CHID1: variants seen among roughly 807,000 people sequenced by gnomAD.
CHID1 encodes the protein chitinase domain-containing protein 1.
In CHID1, 44 loss-of-function variants were observed where a neutral mutation model predicts 55.4. The observed-to-expected ratio is 0.79, with a 90% CI of 0.62 to 1.02. CHID1 has a LOEUF of 1.02. Among genes scored for constraint, CHID1 ranks in the 50% least tolerant of loss-of-function variants. The pLI, the probability that CHID1 is intolerant of heterozygous loss-of-function variation, is 0.00. For synonymous variants in CHID1, 216 were observed against 212.9 expected (o/e 1.01, Z -0.13); for missense variants, 491 against 515.3 (o/e 0.95, Z 0.46).
chr11:890,696 C>A (rs1850744249), intron 8 of CHID1, among the ~76,000 whole-genome samples: 1 of 152,196 alleles, frequency 6.6e-6, no homozygotes. Context: ...CTGTTGGTCC[C>A]ACTGGCCTGT....
chr11:898,845 G>C (rs1450556225), intron 7 of CHID1, among the ~76,000 whole-genome samples: 2 of 152,240 alleles, frequency 1.3e-5, no homozygotes, highest in Non-Finnish European at 2.9e-5. Flanking sequence ...TCCCGGTGGA[G>C]TGGACTGCTA....
chr11:911,249 C>T (rs1852670336), upstream of CHID1: 1 of 151,968 alleles, frequency 6.6e-6, no homozygotes, highest in Non-Finnish European at 1.5e-5. Flanking sequence ...CCCCCGACCC[C>T]CGCCTGAGTG....
At chr11:881,975 G>A (rs541899400) in intron 10 of CHID1, among the ~76,000 whole-genome samples, 42 of 148,112 alleles carry the variant, frequency 2.8e-4, no homozygotes, top group African/African-American at 9.8e-4. Context: ...GTGCACTGCA[G>A]CCTGGACGAC....
At chr11:906,818 C>T (rs1354017071) in intron 1 of CHID1, among the ~76,000 whole-genome samples, 2 of 151,574 alleles carry the variant, frequency 1.3e-5, no homozygotes, top group African/African-American at 2.4e-5. Context: ...CACCTGAAGT[C>T]GGGAGTTCGA....
intron 3 of CHID1, 51 bp from the exon 4 acceptor site, chr11:902,381 C>G (rs954731203): frequency 6.3e-7 from 1 of 1,590,374 alleles, no homozygotes; most frequent in Admixed American, 1.7e-5. Context: ...GAGCACCTGT[C>G]TCACCATGGT....
At chr11:909,210 C>T (rs775549484) in intron 1 of CHID1, among the ~76,000 whole-genome samples, 5 of 152,202 alleles carry the variant, frequency 3.3e-5, no homozygotes, top group Admixed American at 3.3e-4. Context: ...CTCTGAGGCC[C>T]GTGAGGACAC....
chr11:904,370 T>A (rs1852050516), intron 2 of CHID1, among the ~76,000 whole-genome samples: 2 of 152,178 alleles, frequency 1.3e-5, no homozygotes, highest in African/African-American at 4.8e-5. Context: ...AAGGCCATGA[T>A]AAAGACAGCA....
chr11:893,489 G>A lies in CHID1; in HGVS notation c.639C>T (p.Ala213=), dbSNP rs972718527. Residue 213 remains alanine (A), a synonymous_variant, in exon 8 of 13, where the codon GCC becomes GCT. Transcript: ENST00000323578. Reference sequence around the variant, plus strand: ...GCAGCCGGGCCTGGTGCAGAGCCTCGGCCAAGTGGGTGAGCATGTGGATGA... The same window carrying A: ...GCAGCCGGGCCTGGTGCAGAGCCTCAGCCAAGTGGGTGAGCATGTGGATGA... ...VGLIHMLTHL[A]EALHQARLLA... The A allele has an allele frequency of 1.3e-6, 2 of 1,551,332 alleles. No individual in the cohort carries two copies. Among genetic ancestry groups the A allele is most frequent in the Non-Finnish European group, 1.7e-6 (2 of 1,146,930 alleles).
At chr11:872,378 G>C (rs1849238279) in intron 10 of CHID1, among the ~76,000 whole-genome samples, 2 of 152,164 alleles carry the variant, frequency 1.3e-5, no homozygotes, top group African/African-American at 4.8e-5. Flanking sequence ...TGCTGGTCTT[G>C]AACTCCTGAC....
chr11:912,704 C>G (rs56328164), upstream of CHID1, among the ~76,000 whole-genome samples: 1 of 151,884 alleles, frequency 6.6e-6, no homozygotes, highest in Admixed American at 6.6e-5. Flanking sequence ...ATTAGCCGGG[C>G]GTAGTGGCGG....
At chr11:893,152 GC>G (rs1007952388) in intron 8 of CHID1, among the ~76,000 whole-genome samples, 1 of 152,048 alleles carries the variant, frequency 6.6e-6, no homozygotes, top group African/African-American at 2.4e-5. Flanking sequence ...CCCCAGCCAA[GC>G]CAGCCCTGCC....
At chr11:880,428 C>G (rs985526422) in intron 10 of CHID1, among the ~76,000 whole-genome samples, 18 of 152,188 alleles carry the variant, frequency 1.2e-4, no homozygotes, top group African/African-American at 1.7e-4. Context: ...ACCCCAGGAC[C>G]AGCCGTGTGG....
chr11:908,560 T>C lies in CHID1; in HGVS notation c.-44+2215A>G, dbSNP rs1341660447. The C allele has an allele frequency of 3.0e-6, 3 of 985,000 alleles. No individual in the cohort carries two copies. In the African/African-American group the frequency reaches 5.2e-5, roughly 17 times the overall value. 61.0% of individuals were successfully genotyped at this position (985,000 alleles called of 1,614,324 possible). On this transcript the variant is annotated intron_variant, in intron 1 of 12. Transcript: ENST00000323578. ...CACTTGCCTGGCCAGGCTGAAACGG[T>C]GGCTGCCTCAGCTCCCAGGCACCCA...
chr11:871,184 G>A (rs111907985), intron 10 of CHID1, among the ~76,000 whole-genome samples: 6 of 152,078 alleles, frequency 3.9e-5, no homozygotes, highest in Non-Finnish European at 5.9e-5. Flanking sequence ...GTAGAGATGC[G>A]GTTTCACCGT....
At position 884,096 on chromosome 11, in the gene CHID1, T is replaced by C. The variant is rs1850214228; in HGVS notation, c.775A>G (p.Met259Val). 3 of 1,613,948 alleles carry C rather than the reference T, an allele frequency of 1.9e-6. No homozygotes were observed. Among genetic ancestry groups the C allele is most frequent in the African/African-American group, 2.7e-5 (2 of 74,928 alleles). Reference protein sequence around the residue: ...LAPVLDGFSLMTYDYSTAHQP... With the variant: ...LAPVLDGFSLVTYDYSTAHQP... ...TGCGCTGTAGAGTAGTCGTAGGTCA[T>C]GAGGCTGAAACCATCCAGCACGGGG... The change falls in exon 9 of 13, where the codon ATG (methionine) becomes GTG (valine). Residue 259 changes from methionine (M) to valine (V), a missense_variant. By Grantham distance (21) the Met-to-Val change is conservative. Coordinates refer to ENST00000323578, the MANE Select transcript of CHID1 (RefSeq NM_023947.4).
intron 7 of CHID1, among the ~76,000 whole-genome samples, chr11:894,513 A>C (rs1851113862): frequency 6.6e-6 from 1 of 152,184 alleles, no homozygotes; most frequent in East Asian, 1.9e-4. Flanking sequence ...GCTGCTGCAA[A>C]GCTGGGTTTC....
At chr11:873,147 G>A (rs1172846710) in intron 10 of CHID1, among the ~76,000 whole-genome samples, 1 of 152,146 alleles carries the variant, frequency 6.6e-6, no homozygotes, top group Non-Finnish European at 1.5e-5. Context: ...GGGAGGGTCT[G>A]AGAGTCACTC....
At chr11:901,058 G>T in intron 4 of CHID1, 78 bp from the exon 5 acceptor site, 1 of 1,372,586 alleles carries the variant, frequency 7.3e-7, no homozygotes. Flanking sequence ...GGAGGAAAAC[G>T]TGGCAGCCGC....
chr11:877,151 G>C (rs919001374), intron 10 of CHID1, among the ~76,000 whole-genome samples: 1 of 152,142 alleles, frequency 6.6e-6, no homozygotes, highest in African/African-American at 2.4e-5. Context: ...GGTCCTGAGG[G>C]CATACACCCC....
Sources: gnomAD v4.1 joint callset for allele counts (sites outside exome capture counted in the v4.1 genomes callset) on GRCh38, gnomAD v4.1.1 for gene constraint, MANE v1.5 for transcripts, NCBI Gene and HGNC (gene_info 2026-07-23, HGNC 2026-07-21) for gene names.